Variants in MICAL3 observed in about 807,000 individuals in gnomAD.
The protein encoded by MICAL3 is [F-actin]-monooxygenase MICAL3.
Under a neutral mutation model 207.4 loss-of-function variants are expected in MICAL3, and 62 were observed. The observed-to-expected ratio is 0.30, with a 90% confidence interval of 0.24 to 0.37. MICAL3 has a LOEUF of 0.37. Among genes scored for constraint, MICAL3 ranks in the 10% least tolerant of loss-of-function variants. MICAL3 has a pLI of 1.00. For synonymous variants in MICAL3, 1,077 were observed against 1,069.3 expected, an observed-to-expected ratio of 1.01 and a Z score of -0.14; for missense variants, 2,368 against 2,635.6, an observed-to-expected ratio of 0.90 and a Z score of 2.22.
chr22:17,984,205 T>C (rs984476609), intron 1 of MICAL3, among the ~76,000 whole-genome samples: 2 of 152,032 alleles, frequency 1.3e-5, no homozygotes, highest in African/African-American at 4.8e-5. Context: ...ATTTCCCTGG[T>C]CCCTCCCTGC....
At chr22:17,831,459 G>A (rs984454799) in intron 21 of MICAL3, among the ~76,000 whole-genome samples, 2 of 152,166 alleles carry the variant, frequency 1.3e-5, no homozygotes, top group Admixed American at 6.5e-5. Flanking sequence ...AGCCACCTCC[G>A]AAACCCTAGA....
rs1166077660 is a variant in MICAL3 at position 17,793,074 on chromosome 22, C to T, written c.5651-1773G>A. Among the ~76,000 whole-genome samples, 2 of 152,180 alleles carry T rather than the reference C, an allele frequency of 1.3e-5. No homozygotes were observed. ...TGCCACCGGAGACGTGCGGACAGCGCTCACTAGCTATGGAGAGCTCGCCCA... is the reference window on the plus strand; with the variant it reads ...TGCCACCGGAGACGTGCGGACAGCGTTCACTAGCTATGGAGAGCTCGCCCA... On this transcript the variant is annotated intron_variant, in intron 29 of 31. Transcript: ENST00000441493. The surrounding 1 kb of genome is among the most constrained non-coding windows in gnomAD (Gnocchi z 4.1).
intron 19 of MICAL3, chr22:17,861,332 C>T: frequency 1.0e-6 from 1 of 985,440 alleles, no homozygotes; most frequent in Non-Finnish European, 1.2e-6. Context: ...GCAACTGCCA[C>T]TTGTGACCTT....
chr22:17,825,914 G>T (rs571835909), intron 22 of MICAL3, among the ~76,000 whole-genome samples: 9 of 152,248 alleles, frequency 5.9e-5, no homozygotes, highest in African/African-American at 1.7e-4. Flanking sequence ...TTGAAGAGAC[G>T]CCTGCAGCTC....
At position 17,841,832 on chromosome 22, in the gene MICAL3, C is replaced by T. The variant is rs771986698; in HGVS notation, c.2791G>A (p.Val931Ile). ...SVLDTGAEED[V>I]ASSSSESEME... ...GCCCTGCGTGCTGACCTGCTGGCGA[C>T]GTCCTCCTCGGCGCCCGTGTCCAGC... is the stretch of plus-strand genomic sequence containing the variant. Residue 931 changes from valine (V) to isoleucine (I), a missense_variant, in exon 20 of 32, where the codon GTC becomes ATC. Val to Ile is a conservative substitution (Grantham distance 29, BLOSUM62 3). Coordinates refer to ENST00000441493, the MANE Select transcript of MICAL3 (RefSeq NM_015241.3). The surrounding 1 kb of genome is among the most constrained non-coding windows in gnomAD (Gnocchi z 4.2). The T allele has an allele frequency of 1.1e-5, 17 of 1,547,874 alleles. No individual in the cohort carries two copies. Among genetic ancestry groups the T allele is most frequent in the Middle Eastern group, 3.4e-4 (2 of 5,830 alleles).
intron 1 of MICAL3, among the ~76,000 whole-genome samples, chr22:17,909,644 A>C (rs912092883): frequency 6.6e-6 from 1 of 152,254 alleles, no homozygotes; most frequent in Non-Finnish European, 1.5e-5. Flanking sequence ...TTTCCCCAAA[A>C]AAGAAAGGTT....
chr22:17,917,101 A>C (rs1287854794), intron 1 of MICAL3, among the ~76,000 whole-genome samples: 1 of 152,146 alleles, frequency 6.6e-6, no homozygotes, highest in Non-Finnish European at 1.5e-5. Flanking sequence ...CGGAGACACA[A>C]GCCACTGTGA....
chr22:17,883,239 C>G (rs1235891754), intron 16 of MICAL3, among the ~76,000 whole-genome samples: 1 of 152,214 alleles, frequency 6.6e-6, no homozygotes, highest in Non-Finnish European at 1.5e-5. Flanking sequence ...CCCTCATGCA[C>G]AGAGAAAGAA....
intron 1 of MICAL3, among the ~76,000 whole-genome samples, chr22:17,956,832 A>G (rs1076539): frequency 0.21 from 32,345 of 152,138 alleles, 3,624 homozygotes; most frequent in Middle Eastern, 0.29. Flanking sequence ...GAAGTCAGAC[A>G]CCAACTGGAG....
At chr22:18,015,115 A>T (rs887864873) in intron 1 of MICAL3, among the ~76,000 whole-genome samples, 1 of 152,212 alleles carries the variant, frequency 6.6e-6, no homozygotes, top group Non-Finnish European at 1.5e-5. Flanking sequence ...TTTATTCAGC[A>T]GTCAGTAGAT....
intron 1 of MICAL3, among the ~76,000 whole-genome samples, chr22:17,959,191 A>G (rs953698231): frequency 5.0e-5 from 7 of 141,090 alleles, no homozygotes; most frequent in Non-Finnish European, 7.7e-5. Flanking sequence ...AATTTTTTGC[A>G]TTTTTAGTAG....
At chr22:18,007,782 G>A (rs532796960) in intron 1 of MICAL3, among the ~76,000 whole-genome samples, 4 of 151,860 alleles carry the variant, frequency 2.6e-5, no homozygotes, top group Admixed American at 6.6e-5. Flanking sequence ...AATTAGCCGG[G>A]CATGGTGGCG....
intron 19 of MICAL3, among the ~76,000 whole-genome samples, chr22:17,849,649 T>A (rs1050612655): frequency 2.6e-5 from 2 of 76,332 alleles, no homozygotes; most frequent in African/African-American, 1.2e-4. Context: ...ATGGAATGTG[T>A]GTGTGTGTGT....
At chr22:17,909,807 G>T (rs142673367) in intron 1 of MICAL3, among the ~76,000 whole-genome samples, 1,744 of 152,358 alleles carry the variant, frequency 0.011, 26 homozygotes, top group Admixed American at 0.042. Context: ...GAAGGCAGGA[G>T]AAATGGTGAC....
intron 16 of MICAL3, among the ~76,000 whole-genome samples, chr22:17,883,009 A>G (rs569874004): frequency 5.9e-5 from 9 of 152,174 alleles, no homozygotes; most frequent in East Asian, 3.9e-4. Context: ...CCACTCGCCT[A>G]TGTCACTCCT....
rs1271772731 is a variant in MICAL3, at chr22:17,866,025, A to AGAGGCAGGGACAGAGGCGATGAGC, written c.2429-37_2429-14dup. 2.5e-6 allele frequency: 4 copies of AGAGGCAGGGACAGAGGCGATGAGC among 1,599,928 alleles called. No homozygotes were observed. Among genetic ancestry groups the AGAGGCAGGGACAGAGGCGATGAGC allele is most frequent in the Non-Finnish European group, 3.4e-6 (4 of 1,167,160 alleles). ...CAGTAGAATTTACCTGCAGACAGCAAGAGGCAGGGACAGAGGCGATGAGCC... is the reference window on the plus strand; with the variant it reads ...CAGTAGAATTTACCTGCAGACAGCAAGAGGCAGGGACAGAGGCGATGAGCGAGGCAGGGACAGAGGCGATGAGCC... On this transcript the variant is annotated splice_polypyrimidine_tract_variant and intron_variant, in intron 17 of 31. Coordinates refer to ENST00000441493, the MANE Select transcript of MICAL3 (RefSeq NM_015241.3).
At chr22:17,994,277 G>A (rs1332176729) in intron 1 of MICAL3, among the ~76,000 whole-genome samples, 1 of 152,146 alleles carries the variant, frequency 6.6e-6, no homozygotes, top group Non-Finnish European at 1.5e-5. Context: ...GACAGTCCAC[G>A]CTAAAGGGTA....
intron 11 of MICAL3, among the ~76,000 whole-genome samples, chr22:17,893,235 G>A (rs1039001284): frequency 1.3e-5 from 2 of 152,110 alleles, no homozygotes; most frequent in Non-Finnish European, 2.9e-5. Flanking sequence ...TGACTATGGC[G>A]AGGTCTTTCT....
Position 17,817,497 on chromosome 22 carries a change from C to T in MICAL3, c.5164G>A (p.Glu1722Lys), listed in dbSNP as rs767629560. The T allele has an allele frequency of 2.5e-6, 4 of 1,613,696 alleles. No homozygotes were observed. The highest frequency in any genetic ancestry group is 3.4e-6 in the Non-Finnish European group (4 of 1,179,864). Reference sequence around the variant, plus strand: ...TCTAGGAGGTTGGAGCTGGGCTTCTCCGGGGGCCGGCCCTCGCCTTTGGAC... The same window carrying T: ...TCTAGGAGGTTGGAGCTGGGCTTCTTCGGGGGCCGGCCCTCGCCTTTGGAC... ...KKSKGEGRPPEKPSSNLLEEA... is the reference protein window; with the variant it reads ...KKSKGEGRPPKKPSSNLLEEA... The change falls in exon 26 of 32, where the codon GAG becomes AAG. Residue 1722 changes from glutamate (E) to lysine (K), a missense_variant. Transcript: ENST00000441493.
Sources: gnomAD v4.1 joint callset for allele counts (sites outside exome capture counted in the v4.1 genomes callset) on GRCh38, gnomAD v4.1.1 for gene constraint, Gnocchi (gnomAD v3.1) non-coding constraint, MANE v1.5 for transcripts, NCBI Gene and HGNC (gene_info 2026-07-23, HGNC 2026-07-21) for gene names.